ODR4: variants seen among roughly 807,000 people sequenced by gnomAD.
ODR4 encodes protein odr-4 homolog.
In ODR4, 47 loss-of-function variants were observed where a neutral mutation model predicts 60.2. The observed-to-expected ratio is 0.78, with a 90% CI of 0.62 to 1.00. The LOEUF is 1.00. Among genes scored for constraint, ODR4 ranks in the 50% least tolerant of loss-of-function variants. ODR4 has a pLI of 0.00. For synonymous variants in ODR4, 178 were observed against 175.5 expected (o/e 1.01, Z -0.11); for missense variants, 488 against 530.8 (o/e 0.92, Z 0.79).
chr1:186,406,226 A>G lies in ODR4; in HGVS notation c.1144A>G (p.Ile382Val). 1.9e-6 allele frequency: 3 copies of G among 1,607,564 alleles called. No homozygotes were observed. Among genetic ancestry groups the G allele is most frequent in the Non-Finnish European group, 2.5e-6 (3 of 1,177,634 alleles). The change falls in exon 12 of 14, where the codon ATT (isoleucine) becomes GTT (valine). Residue 382 changes from isoleucine to valine, a missense_variant. Ile to Val is a conservative substitution (Grantham distance 29). Coordinates refer to ENST00000287859, the MANE Select transcript of ODR4 (RefSeq NM_017847.6). ...DHFMEMLDHT[I>V]QIEDLEIAEE... is the part of the protein sequence containing the mutation. Reference sequence around the variant, plus strand: ...TTTTATGGAGATGTTGGATCACACAATTCAAATAGAAGATTTGGAAATTGC... The same window carrying G: ...TTTTATGGAGATGTTGGATCACACAGTTCAAATAGAAGATTTGGAAATTGC...
At chr1:186,393,839 A>C (rs998194598) in intron 8 of ODR4, 108 bp from the exon 9 acceptor site, 3 of 644,476 alleles carry the variant, frequency 4.7e-6, no homozygotes, top group Admixed American at 6.5e-5. Flanking sequence ...AATAATTAAA[A>C]GACTTGTTTT....
At chr1:186,405,783 C>G (rs992959831) in intron 11 of ODR4, among the ~76,000 whole-genome samples, 5 of 152,082 alleles carry the variant, frequency 3.3e-5, no homozygotes, top group Non-Finnish European at 5.9e-5. Context: ...AACTCCTGAC[C>G]TCAAGTGATC....
chr1:186,400,979 C>T, intron 11 of ODR4: 1 of 1,477,092 alleles, frequency 6.8e-7, no homozygotes. Flanking sequence ...TGGTGTAAAT[C>T]ATTGCTTCAG....
chr1:186,379,999 G>A, intron 2 of ODR4, 115 bp downstream of exon 2: 1 of 573,396 alleles, frequency 1.7e-6, no homozygotes, highest in Non-Finnish European at 2.8e-6. Context: ...TCAAGATTGG[G>A]GGATGGAAGA....
chr1:186,398,931 T>C (rs1329656507), intron 10 of ODR4, 23 bp from the exon 11 acceptor site: 1 of 1,522,342 alleles, frequency 6.6e-7, no homozygotes, highest in Non-Finnish European at 9.0e-7. Flanking sequence ...CTTACTGTGT[T>C]TTTTGTGTGT....
intron 12 of ODR4, among the ~76,000 whole-genome samples, chr1:186,417,006 A>T (rs950155227): frequency 6.6e-5 from 10 of 152,120 alleles, no homozygotes; most frequent in Admixed American, 2.0e-4. Context: ...TCTTTCACCC[A>T]GGCTGGAGTG....
At position 186,375,881 on chromosome 1, in the gene ODR4, C is replaced by A. The variant is rs1285180; in HGVS notation, c.-113C>A. The stretch of plus-strand genomic sequence containing the variant: ...GAATTGAGACCGGAGGGAATCTGGC[C>A]CCTAGAGGCTGGTACTTGGGCCCGA... On this transcript the variant is annotated 5_prime_UTR_variant, in exon 1 of 14. Transcript: ENST00000287859. The A allele has an allele frequency of 4.6e-6, 1 of 216,324 alleles. No homozygotes were observed. Among genetic ancestry groups the A allele is most frequent in the East Asian group, 1.1e-4 (1 of 9,382 alleles). 13.4% of individuals were successfully genotyped at this position (216,324 alleles called of 1,614,324 possible).
intron 12 of ODR4, among the ~76,000 whole-genome samples, chr1:186,415,505 T>A (rs1661531106): frequency 6.6e-6 from 1 of 152,184 alleles, no homozygotes; most frequent in African/African-American, 2.4e-5. Flanking sequence ...CTAAAGTAGT[T>A]GCTTTCATAA....
At chr1:186,400,870 C>A in intron 11 of ODR4, 1 of 508,820 alleles carries the variant, frequency 2.0e-6, no homozygotes, top group African/African-American at 2.0e-5. Flanking sequence ...TTTGGGAGGG[C>A]AGTATGTGGG....
At chr1:186,427,131 T>C in the ODR4 span, among the ~76,000 whole-genome samples, 1 of 152,044 alleles carries the variant, frequency 6.6e-6, no homozygotes. Context: ...TTGCTGAAGG[T>C]TGGGGTGGCC....
chr1:186,418,762 C>T (rs1024285333), intron 13 of ODR4, among the ~76,000 whole-genome samples: 2 of 152,182 alleles, frequency 1.3e-5, no homozygotes, highest in Non-Finnish European at 1.5e-5. Context: ...AGATACGTCT[C>T]AGTGCACATG....
At chr1:186,411,220 A>G (rs1255312799) in intron 12 of ODR4, among the ~76,000 whole-genome samples, 1 of 152,120 alleles carries the variant, frequency 6.6e-6, no homozygotes, top group East Asian at 1.9e-4. Flanking sequence ...GGTGTACTGC[A>G]AGTATTTCAG....
chr1:186,408,714 A>G (rs1661264245), intron 12 of ODR4, among the ~76,000 whole-genome samples: 1 of 150,994 alleles, frequency 6.6e-6, no homozygotes, highest in Non-Finnish European at 1.5e-5. Flanking sequence ...TCATGTTTAT[A>G]TATAATTTTT....
Position 186,419,174 on chromosome 1 carries a change from C to A in ODR4, c.*98C>A. ...AATCCATCTGTATTTAAAACACTAG[C>A]AGCCAGATCTGCTGCCATGATGCCT... On this transcript the variant is annotated 3_prime_UTR_variant, in exon 14 of 14. Transcript: ENST00000287859. 1 of 1,053,806 alleles carries A rather than the reference C, an allele frequency of 9.5e-7. No homozygotes were observed. Among genetic ancestry groups the A allele is most frequent in the Non-Finnish European group, 1.4e-6 (1 of 703,510 alleles). 65.3% of individuals were successfully genotyped at this position (1,053,806 alleles called of 1,614,324 possible).
chr1:186,383,678 G>GATATATATATATGTATAT (rs1660129441), intron 3 of ODR4, among the ~76,000 whole-genome samples: 1 of 140,726 alleles, frequency 7.1e-6, no homozygotes, highest in Non-Finnish European at 1.6e-5. Context: ...TGTGTATGTA[G>GATATATATATATGTATAT]ATATATATAT....
chr1:186,397,419 CATT>C lies in ODR4; in HGVS notation c.781-890_781-888del, dbSNP rs113259660. Among the ~76,000 whole-genome samples, 106 of 151,840 alleles carry C rather than the reference CATT, an allele frequency of 7.0e-4. 2 individuals are homozygous for C. The highest frequency in any genetic ancestry group is 2.4e-3 in the African/African-American group (99 of 41,410). On this transcript the variant is annotated intron_variant, in intron 9 of 13. Transcript: ENST00000287859. ...CATTTTTTGGTTATTTTTTGTAAAT[CATT>C]ATTTTTTGTTTCCACTGTTATTATA...
chr1:186,379,126 T>C lies in ODR4; in HGVS notation c.-19-641T>C, dbSNP rs139599720. On this transcript the variant is annotated intron_variant, in intron 1 of 13. Transcript: ENST00000287859. Reference sequence around the variant, plus strand: ...AATAGAGTATCAAAGATAATACAACTAGGGAGTAGATCTAAAATAAGAAAT... The same window carrying C: ...AATAGAGTATCAAAGATAATACAACCAGGGAGTAGATCTAAAATAAGAAAT... 1.4e-4 allele frequency among the ~76,000 whole-genome samples: 22 copies of C among 152,206 alleles called. No individual in the cohort carries two copies. The East Asian group carries it at 4.3e-3, about 29-fold the overall frequency.
chr1:186,409,245 AGGTAACTATG>A lies in ODR4; in HGVS notation c.1186+2979_1186+2988del, dbSNP rs1661285525. ...TCAACCACTGTAATGTATTCCTAAG[AGGTAACTATG>A]GCAACCTGGCATGACAGCCTCCCAA... On this transcript the variant is annotated intron_variant, in intron 12 of 13. Coordinates refer to ENST00000287859, the MANE Select transcript of ODR4 (RefSeq NM_017847.6). Among the ~76,000 whole-genome samples, 5 of 152,176 alleles carry A rather than the reference AGGTAACTATG, an allele frequency of 3.3e-5. No individual in the cohort carries two copies. In the South Asian group the frequency reaches 1.0e-3, roughly 32 times the overall value.
chr1:186,385,526 A>C (rs1660221232), intron 3 of ODR4, among the ~76,000 whole-genome samples: 1 of 151,850 alleles, frequency 6.6e-6, no homozygotes, highest in Non-Finnish European at 1.5e-5. Flanking sequence ...TGAGACATGC[A>C]GAAGTATAAG....
Sources: allele counts gnomAD v4.1 joint callset (sites outside exome capture counted in the v4.1 genomes callset), GRCh38; gene constraint gnomAD v4.1.1; transcripts MANE v1.5; gene names NCBI Gene and HGNC (gene_info 2026-07-23, HGNC 2026-07-21).